The following KBTBD2 variants were observed in gnomAD, a reference collection of about 807,000 sequenced individuals.
The protein encoded by KBTBD2 is kelch repeat and BTB domain-containing protein 2.
Under a neutral mutation model 57.1 loss-of-function variants are expected in KBTBD2, and 17 were observed. That is an observed-to-expected ratio of 0.30 (90% CI 0.20 to 0.45). The LOEUF (loss-of-function observed/expected upper bound fraction) is 0.45. Among genes scored for constraint, KBTBD2 ranks in the 20% least tolerant of loss-of-function variants. The probability of loss-of-function intolerance (pLI) is 1.00; values close to 1 mark genes in which losing one functional copy is unlikely to be tolerated. For synonymous variants in KBTBD2, 267 were observed against 262.7 expected, an observed-to-expected ratio of 1.02 and a Z score of -0.16; for missense variants, 515 against 750.6, an observed-to-expected ratio of 0.69 and a Z score of 3.67.
Position 32,869,771 on chromosome 7 carries a change from A to G in KBTBD2, c.1446T>C (p.Asn482=), listed in dbSNP as rs760146007. 10 of 1,613,976 alleles carry G rather than the reference A, an allele frequency of 6.2e-6. No individual in the cohort carries two copies. Among genetic ancestry groups the G allele is most frequent in the Non-Finnish European group, 6.8e-6 (8 of 1,180,030 alleles). Residue 482 remains asparagine (N), a synonymous_variant, in exon 4 of 4, where the codon AAT becomes AAC. Coordinates refer to ENST00000304056, the MANE Select transcript of KBTBD2 (RefSeq NM_015483.3). The part of the protein sequence containing the change: ...FYIGGLHIAT[N]SGIRLPSGTV... ...TGCCAGAGGGGAGTCTTATGCCGGAATTGGTAGCAATATGCAACCCTCCAA... is the reference window on the plus strand; with the variant it reads ...TGCCAGAGGGGAGTCTTATGCCGGAGTTGGTAGCAATATGCAACCCTCCAA...
intron 1 of KBTBD2, among the ~76,000 whole-genome samples, chr7:32,880,292 T>C (rs1279449212): frequency 6.6e-6 from 1 of 152,014 alleles, no homozygotes; most frequent in Non-Finnish European, 1.5e-5. Context: ...TAGCAACAAA[T>C]GATCATAATA....
intron 3 of KBTBD2, 22 bp downstream of exon 3, chr7:32,874,969 TA>T (rs776173030): frequency 1.1e-5 from 18 of 1,607,232 alleles, no homozygotes; most frequent in Non-Finnish European, 1.4e-5. Context: ...AGACTCCGTC[TA>T]AAAAAATATA....
intron 3 of KBTBD2, 95 bp from the exon 4 acceptor site, chr7:32,870,975 T>C (rs1263849188): frequency 2.9e-6 from 2 of 687,698 alleles, no homozygotes; most frequent in African/African-American, 1.8e-5. Context: ...CAGATGCCCA[T>C]AGTGTAATTT....
At chr7:32,885,751 T>C (rs1784563435) in intron 1 of KBTBD2, among the ~76,000 whole-genome samples, 1 of 152,138 alleles carries the variant, frequency 6.6e-6, no homozygotes, top group Non-Finnish European at 1.5e-5. Context: ...TAAAGTGCAA[T>C]GTACTTTGAC....
chr7:32,880,756 G>T lies in KBTBD2; in HGVS notation c.-338-814C>A, dbSNP rs376686726. On this transcript the variant is annotated intron_variant, in intron 1 of 3. Transcript: ENST00000304056. ...AGGGCAAGTTTTTAATGATTTTTAT[G>T]AAAATATTAAATGTACTATAAAACT... 4.0e-4 allele frequency among the ~76,000 whole-genome samples: 61 copies of T among 152,230 alleles called. No homozygotes were observed. The South Asian group carries it at 7.0e-3, about 18-fold the overall frequency.
chr7:32,875,272 G>A (rs547992499), intron 2 of KBTBD2, 115 bp from the exon 3 acceptor site: 1 of 994,092 alleles, frequency 1.0e-6, no homozygotes, highest in South Asian at 1.6e-5. Flanking sequence ...ACTTATAAGA[G>A]AAACTTTTTC....
rs867750459 is a variant in KBTBD2 at position 32,875,062 on chromosome 7, G to A, written c.266C>T (p.Ala89Val). ...ATTCATTGCCAAGTTACCCGTGTAT[G>A]CATAAGTTATTATTATCTGTAAGGT... ...AATLQIIITYAYTGNLAMNDS... is the reference protein window; with the variant it reads ...AATLQIIITYVYTGNLAMNDS... The change falls in exon 3 of 4, where the codon GCA (alanine) becomes GTA (valine). Residue 89 changes from alanine (A) to valine (V), a missense_variant. Ala to Val is a moderately conservative substitution (Grantham distance 64). Coordinates refer to ENST00000304056, the MANE Select transcript of KBTBD2 (RefSeq NM_015483.3). 4 of 1,613,976 alleles carry A rather than the reference G, an allele frequency of 2.5e-6. No homozygotes were observed. Among genetic ancestry groups the A allele is most frequent in the African/African-American group, 2.7e-5 (2 of 74,922 alleles).
At chr7:32,872,496 A>AT (rs1784206109) in intron 3 of KBTBD2, among the ~76,000 whole-genome samples, 1 of 152,250 alleles carries the variant, frequency 6.6e-6, no homozygotes, top group South Asian at 2.1e-4. Context: ...CCTGGGCAAC[A>AT]TAAGATCTTG....
chr7:32,887,451 T>A (rs1025813011), intron 1 of KBTBD2, among the ~76,000 whole-genome samples: 1 of 152,230 alleles, frequency 6.6e-6, no homozygotes, highest in Non-Finnish European at 1.5e-5. Flanking sequence ...ATTTAATCAT[T>A]CCTCAATGTG....
At chr7:32,877,056 T>C (rs1425176619) in intron 2 of KBTBD2, among the ~76,000 whole-genome samples, 1 of 152,108 alleles carries the variant, frequency 6.6e-6, no homozygotes, top group Non-Finnish European at 1.5e-5. Flanking sequence ...TCTCACCCTG[T>C]TGCCCAGGCT....
chr7:32,870,978 T>G, intron 3 of KBTBD2, 98 bp from the exon 4 acceptor site: 1 of 682,932 alleles, frequency 1.5e-6, no homozygotes, highest in East Asian at 2.8e-5. Flanking sequence ...ATGCCCATAG[T>G]GTAATTTTTA....
intron 1 of KBTBD2, among the ~76,000 whole-genome samples, chr7:32,886,199 C>T (rs1045622103): frequency 6.6e-6 from 1 of 152,134 alleles, no homozygotes; most frequent in African/African-American, 2.4e-5. Flanking sequence ...CATGAGCCAC[C>T]ACGTCCGGCC....
chr7:32,891,922 C>T (rs1318115868), upstream of KBTBD2: 1 of 141,390 alleles, frequency 7.1e-6, no homozygotes, highest in Non-Finnish European at 1.6e-5. Flanking sequence ...CGCGCTCTCG[C>T]CCCCGCCCGC....
chr7:32,869,281 C>G lies in KBTBD2; in HGVS notation c.*64G>C. ...CTCATATTTAGTTCTTTCATAGCCT[C>G]TTTTGTTTAGCAAAGAAAATGACAA... On this transcript the variant is annotated 3_prime_UTR_variant, in exon 4 of 4. Transcript: ENST00000304056. The G allele has an allele frequency of 8.1e-7, 1 of 1,234,802 alleles. No homozygotes were observed. Among genetic ancestry groups the G allele is most frequent in the Non-Finnish European group, 1.1e-6 (1 of 882,158 alleles). 76.5% of individuals were successfully genotyped at this position (1,234,802 alleles called of 1,614,324 possible).
intron 1 of KBTBD2, among the ~76,000 whole-genome samples, chr7:32,888,191 C>A (rs1784629051): frequency 6.6e-6 from 1 of 152,254 alleles, no homozygotes; most frequent in Middle Eastern, 3.4e-3. Flanking sequence ...ATTCAGTGTT[C>A]TAAAATATTA....
intron 2 of KBTBD2, among the ~76,000 whole-genome samples, chr7:32,876,360 A>C (rs758411383): frequency 1.3e-4 from 20 of 152,214 alleles, no homozygotes; most frequent in South Asian, 2.1e-4. Context: ...CATAGCTTGA[A>C]CATAAGGGCT....
chr7:32,889,605 A>AC (rs1784678724), intron 1 of KBTBD2, among the ~76,000 whole-genome samples: 1 of 151,800 alleles, frequency 6.6e-6, no homozygotes, highest in South Asian at 2.1e-4. Context: ...CTCAAAAAAA[A>AC]ATTACTTGAG....
In KBTBD2 at chr7:32,874,962, C is replaced by T. The variant is rs770756315; in HGVS notation, c.336+30G>A. ...CTCCAGCCTGGGCAACAGAGAGAGACTCCGTCTAAAAAAATATATATATGC... is the reference window on the plus strand; with the variant it reads ...CTCCAGCCTGGGCAACAGAGAGAGATTCCGTCTAAAAAAATATATATATGC... On this transcript the variant is annotated intron_variant, in intron 3 of 3. Transcript: ENST00000304056. 23 of 1,599,570 alleles carry T rather than the reference C, an allele frequency of 1.4e-5. No homozygotes were observed. The African/African-American group carries it at 2.3e-4, about 16-fold the overall frequency.
chr7:32,880,883 A>C (rs925049896), intron 1 of KBTBD2, among the ~76,000 whole-genome samples: 1 of 152,144 alleles, frequency 6.6e-6, no homozygotes, highest in Non-Finnish European at 1.5e-5. Flanking sequence ...CAGGCGGATC[A>C]CAACGTCAGG....
Sources: allele counts gnomAD v4.1 joint callset (sites outside exome capture counted in the v4.1 genomes callset), GRCh38; gene constraint gnomAD v4.1.1; transcripts MANE v1.5; gene names NCBI Gene and HGNC (gene_info 2026-07-23, HGNC 2026-07-21).